The following CKAP2 variants were observed in gnomAD, a reference collection of about 807,000 sequenced individuals.
CKAP2 encodes cytoskeleton associated protein 2.
CKAP2 carries 46 observed loss-of-function variants against 58.4 expected under a neutral mutation model. That is an observed-to-expected ratio of 0.79 (90% CI 0.62 to 1.01). The LOEUF (loss-of-function observed/expected upper bound fraction) is 1.01. Among genes scored for constraint, CKAP2 ranks in the 50% least tolerant of loss-of-function variants. The pLI, the probability that CKAP2 is intolerant of heterozygous loss-of-function variation, is 0.00. For synonymous variants in CKAP2, 293 were observed against 280.9 expected, an observed-to-expected ratio of 1.04 and a Z score of -0.43; for missense variants, 809 against 796.4, an observed-to-expected ratio of 1.02 and a Z score of -0.19.
At chr13:52,471,113 G>T (rs138955602) in intron 7 of CKAP2, among the ~76,000 whole-genome samples, 1 of 151,700 alleles carries the variant, frequency 6.6e-6, no homozygotes, top group East Asian at 1.9e-4. Context: ...AGCCAAGATC[G>T]CACCACTGCA....
Position 52,475,192 on chromosome 13 carries a change from T to G in CKAP2, c.*51T>G. The G allele has an allele frequency of 1.3e-6, 2 of 1,591,250 alleles. No individual in the cohort carries two copies. The highest frequency in any genetic ancestry group is 2.3e-5 in the South Asian group (2 of 87,988). On this transcript the variant is annotated 3_prime_UTR_variant, in exon 9 of 9. Transcript: ENST00000258607. ...GGGGTTTTTATTATTTGTGGGGTGT[T>G]TTGTTTTGAGTAGCTTTATATTGCT...
intron 1 of CKAP2, chr13:52,455,935 C>T: frequency 6.1e-6 from 7 of 1,150,774 alleles, no homozygotes; most frequent in Non-Finnish European, 7.5e-6. Context: ...ACCCTGGGTC[C>T]GCTTGGGGGC....
chr13:52,467,364 A>ACTTCT (rs891997161), intron 6 of CKAP2, among the ~76,000 whole-genome samples: 2 of 152,186 alleles, frequency 1.3e-5, no homozygotes, highest in African/African-American at 4.8e-5. Flanking sequence ...ATAACCATAG[A>ACTTCT]CTTAAATGTA....
At chr13:52,466,876 G>C (rs562067835) in intron 6 of CKAP2, among the ~76,000 whole-genome samples, 108 of 152,196 alleles carry the variant, frequency 7.1e-4, no homozygotes, top group African/African-American at 2.5e-3. Flanking sequence ...CGGGAGGATC[G>C]TTTGAGTCCA....
At chr13:52,459,069 T>C (rs942713462) in intron 2 of CKAP2, among the ~76,000 whole-genome samples, 6 of 152,136 alleles carry the variant, frequency 3.9e-5, no homozygotes, top group Non-Finnish European at 7.4e-5. Flanking sequence ...GTCTCCCCAC[T>C]GGACAGGTGA....
chr13:52,472,816 G>A (rs906132198), intron 7 of CKAP2, among the ~76,000 whole-genome samples: 6 of 152,188 alleles, frequency 3.9e-5, no homozygotes, highest in Non-Finnish European at 7.3e-5. Flanking sequence ...AGTCCAAGGT[G>A]GAAGAATCGC....
intron 2 of CKAP2, among the ~76,000 whole-genome samples, chr13:52,458,195 G>A (rs946211644): frequency 1.1e-4 from 16 of 152,230 alleles, no homozygotes; most frequent in South Asian, 2.1e-4. Context: ...GGTGATAACC[G>A]TATACTGAAA....
chr13:52,470,350 C>T (rs1303101135), intron 7 of CKAP2, among the ~76,000 whole-genome samples: 1 of 151,954 alleles, frequency 6.6e-6, no homozygotes, highest in Non-Finnish European at 1.5e-5. Flanking sequence ...GGTGATCCGC[C>T]CACCTTGGCC....
In CKAP2 at chr13:52,461,466, G is replaced by A. The variant is rs765437565; in HGVS notation, c.640G>A (p.Ala214Thr). Residue 214 changes from alanine to threonine, a missense_variant, in exon 4 of 9, where the codon GCC (alanine) becomes ACC (threonine). By Grantham distance (58) the Ala-to-Thr change is moderately conservative. Around this residue, in one of 3 missense-constraint regions of CKAP2, gnomAD observed 523 missense variants for 492.4 expected, o/e 1.06. Coordinates refer to ENST00000258607, the MANE Select transcript of CKAP2 (RefSeq NM_018204.5). ...GAAACTTTCAGCCACTATACCTAAAGCCACAAAACCTCAGCCTGTAAACAC... is the reference window on the plus strand; with the variant it reads ...GAAACTTTCAGCCACTATACCTAAAACCACAAAACCTCAGCCTGTAAACAC... ...TKKLSATIPK[A>T]TKPQPVNTSS... 1.2e-6 allele frequency: 2 copies of A among 1,614,088 alleles called. No homozygotes were observed. The highest frequency in any genetic ancestry group is 1.7e-6 in the Non-Finnish European group (2 of 1,180,036).
intron 8 of CKAP2, 106 bp downstream of exon 8, chr13:52,474,190 A>G: frequency 8.4e-7 from 1 of 1,194,862 alleles, no homozygotes; most frequent in Non-Finnish European, 1.2e-6. Flanking sequence ...CCATTTATTA[A>G]TATAGAAATT....
Position 52,474,952 on chromosome 13 carries a change from T to G in CKAP2, c.1860T>G (p.Phe620Leu). The part of the protein sequence containing the change: ...GTNSAFKELK[F>L]LTPVRRSRRL... ...ATTCCGCATTTAAAGAGCTGAAGTTTTTAACACCAGTGAGACGTTCTCGAC... is the reference window on the plus strand; with the variant it reads ...ATTCCGCATTTAAAGAGCTGAAGTTGTTAACACCAGTGAGACGTTCTCGAC... The change falls in exon 9 of 9, where the codon TTT becomes TTG. Residue 620 changes from phenylalanine to leucine, a missense_variant. Around this residue, in one of 3 missense-constraint regions of CKAP2, gnomAD observed 283 missense variants for 287.6 expected, o/e 0.98. Transcript: ENST00000258607. 1 of 1,613,586 alleles carries G rather than the reference T, an allele frequency of 6.2e-7. No homozygotes were observed. Among genetic ancestry groups the G allele is most frequent in the Non-Finnish European group, 8.5e-7 (1 of 1,179,468 alleles).
In CKAP2 at chr13:52,458,206, T is replaced by A. The variant is rs117290699; in HGVS notation, c.155+1599T>A. Among the ~76,000 whole-genome samples, 81 of 152,268 alleles carry A rather than the reference T, an allele frequency of 5.3e-4. 1 individual carries two copies. In the East Asian group the frequency reaches 0.013, roughly 25 times the overall value. On this transcript the variant is annotated intron_variant, in intron 2 of 8. Coordinates refer to ENST00000258607, the MANE Select transcript of CKAP2 (RefSeq NM_018204.5). ...GAATGGTGATAACCGTATACTGAAA[T>A]AGGAAGCCTGAAGGAGGAGCTGGGG...
intron 6 of CKAP2, among the ~76,000 whole-genome samples, chr13:52,467,484 G>A (rs1958696888): frequency 6.6e-6 from 1 of 152,052 alleles, no homozygotes. Flanking sequence ...TGGGAGGCCG[G>A]CAAATCATGA....
chr13:52,458,636 G>T (rs1958523359), intron 2 of CKAP2, among the ~76,000 whole-genome samples: 1 of 152,286 alleles, frequency 6.6e-6, no homozygotes, highest in Admixed American at 6.5e-5. Context: ...GCTGAGGCGG[G>T]TGTATCACTT....
intron 5 of CKAP2, among the ~76,000 whole-genome samples, chr13:52,464,659 T>A (rs887602062): frequency 6.6e-6 from 1 of 151,876 alleles, no homozygotes; most frequent in Non-Finnish European, 1.5e-5. Context: ...CTATGGAGTA[T>A]AATAATCAGC....
At chr13:52,466,013 A>G (rs1274632626) in intron 6 of CKAP2, among the ~76,000 whole-genome samples, 1 of 151,672 alleles carries the variant, frequency 6.6e-6, no homozygotes, top group Non-Finnish European at 1.5e-5. Context: ...ATACACACAT[A>G]CACATATATA....
rs575487716 is a variant in CKAP2, at chr13:52,474,979, T to C, written c.1887T>C (p.Arg629=). The change falls in exon 9 of 9, where the codon CGT becomes CGC. Residue 629 remains arginine, a synonymous_variant. Transcript: ENST00000258607. ...KFLTPVRRSR[R]LQEKTSKLPD... ...TAACACCAGTGAGACGTTCTCGACGTCTTCAAGAGAAAACTTCTAAATTGC... is the reference window on the plus strand; with the variant it reads ...TAACACCAGTGAGACGTTCTCGACGCCTTCAAGAGAAAACTTCTAAATTGC... The C allele has an allele frequency of 6.2e-7, 1 of 1,614,172 alleles. No individual in the cohort carries two copies. The highest frequency in any genetic ancestry group is 2.2e-5 in the East Asian group (1 of 44,882).
In CKAP2 at chr13:52,461,185, C is replaced by G; in HGVS notation, c.359C>G (p.Pro120Arg). 6.2e-7 allele frequency: 1 copy of G among 1,613,910 alleles called. No homozygotes were observed. Among genetic ancestry groups the G allele is most frequent in the South Asian group, 1.1e-5 (1 of 90,996 alleles). ...ACTGTAGTAATTGACACACATAAACCTAAGGATAGTAATCAAACTCCGCAT... is the reference window on the plus strand; with the variant it reads ...ACTGTAGTAATTGACACACATAAACGTAAGGATAGTAATCAAACTCCGCAT... ...NSTVVIDTHK[P>R]KDSNQTPHLL... Residue 120 changes from proline to arginine, a missense_variant, in exon 4 of 9, where the codon CCT (proline) becomes CGT (arginine). Transcript: ENST00000258607.
chr13:52,460,453 A>G (rs1453401999), intron 2 of CKAP2, among the ~76,000 whole-genome samples: 2 of 149,768 alleles, frequency 1.3e-5, no homozygotes, highest in Non-Finnish European at 3.0e-5. Context: ...TGTTTACACT[A>G]TTTTTTTTTG....
Sources: gnomAD v4.1 joint callset for allele counts (sites outside exome capture counted in the v4.1 genomes callset) on GRCh38, gnomAD v4.1.1 for gene constraint, gnomAD v4.1.1 regional missense constraint, MANE v1.5 for transcripts, NCBI Gene and HGNC (gene_info 2026-07-23, HGNC 2026-07-21) for gene names.